The following ARHGAP12 variants were observed in gnomAD, a reference collection of about 807,000 sequenced individuals.
The protein encoded by ARHGAP12 is rho GTPase-activating protein 12.
Under a neutral mutation model 108.6 loss-of-function variants are expected in ARHGAP12, and 64 were observed. That is an observed-to-expected ratio of 0.59 (90% confidence interval 0.48 to 0.73). The LOEUF is 0.73. Ranked by LOEUF, ARHGAP12 falls within the 30% of genes least tolerant of loss-of-function variation. The probability of loss-of-function intolerance (pLI) is 0.00; values close to 1 mark genes in which losing one functional copy is unlikely to be tolerated. For missense variants in ARHGAP12, 940 were observed against 1,005.9 expected, an observed-to-expected ratio of 0.93 and a Z score of 0.89; for synonymous variants, 312 against 337.2, an observed-to-expected ratio of 0.93 and a Z score of 0.82.
At chr10:31,922,199 A>G (rs1592390582) in intron 1 of ARHGAP12, among the ~76,000 whole-genome samples, 3 of 42,588 alleles carry the variant, frequency 7.0e-5, no homozygotes, top group South Asian at 7.5e-4. Flanking sequence ...AAAAAAAAAA[A>G]AAAAAAAAAA....
At chr10:31,839,765 T>A in intron 7 of ARHGAP12, 54 bp from the exon 8 acceptor site, 1 of 1,426,034 alleles carries the variant, frequency 7.0e-7, no homozygotes, top group Non-Finnish European at 9.6e-7. Flanking sequence ...ATTATATTTC[T>A]GCCTCTACTC....
Position 31,909,057 on chromosome 10 carries a change from C to A in ARHGAP12, c.-71-131G>T, listed in dbSNP as rs992908530. Reference sequence around the variant, plus strand: ...ACTTCAAATCTCAAACCCCAAAAAGCAAACATGTGTCTACTATCATATGCA... The same window carrying A: ...ACTTCAAATCTCAAACCCCAAAAAGAAAACATGTGTCTACTATCATATGCA... On this transcript the variant is annotated intron_variant, in intron 2 of 19. Coordinates refer to ENST00000344936, the MANE Select transcript of ARHGAP12 (RefSeq NM_018287.7). 9.2e-5 allele frequency: 50 copies of A among 545,460 alleles called. No individual in the cohort carries two copies. The Middle Eastern group carries it at 1.4e-3, about 16-fold the overall frequency. 33.8% of individuals were successfully genotyped at this position (545,460 alleles called of 1,614,324 possible).
At chr10:31,918,196 A>C (rs1839640183) in intron 1 of ARHGAP12, among the ~76,000 whole-genome samples, 2 of 152,024 alleles carry the variant, frequency 1.3e-5, no homozygotes, top group South Asian at 4.1e-4. Flanking sequence ...GACTCACAAC[A>C]TTTTTGACTT....
chr10:31,908,565 ACT>A lies in ARHGAP12; in HGVS notation c.289_290del (p.Ser97PhefsTer15). 1 of 1,614,100 alleles carries A rather than the reference ACT, an allele frequency of 6.2e-7. No homozygotes were observed. The highest frequency in any genetic ancestry group is 8.5e-7 in the Non-Finnish European group (1 of 1,180,004). On this transcript the variant is annotated frameshift_variant, in exon 3 of 20. Coordinates refer to ENST00000344936, the MANE Select transcript of ARHGAP12 (RefSeq NM_018287.7). LOFTEE classifies it high-confidence loss of function. ...TTTCTGTTGATCTCTGAAGATGCAA[ACT>A]CTGCATTATTTTCGTGGAGTTATTT... is the stretch of plus-strand genomic sequence containing the variant. Reference protein sequence around the residue: ...LPNNSTKIMQSLHLQRSTENV... With the variant: ...LPNNSTKIMQXLHLQRSTENV...
At chr10:31,896,026 G>A (rs1838673636) in intron 3 of ARHGAP12, among the ~76,000 whole-genome samples, 2 of 152,118 alleles carry the variant, frequency 1.3e-5, no homozygotes, top group South Asian at 2.1e-4. Context: ...ACTCACAGGT[G>A]GGAAATGAAC....
At chr10:31,827,443 C>G (rs1325467077) in intron 10 of ARHGAP12, among the ~76,000 whole-genome samples, 1 of 152,158 alleles carries the variant, frequency 6.6e-6, no homozygotes, top group African/African-American at 2.4e-5. Context: ...TCAAATCTGT[C>G]TACTGCAGGG....
chr10:31,849,768 CTG>C (rs1343737940), intron 6 of ARHGAP12, among the ~76,000 whole-genome samples: 1 of 152,202 alleles, frequency 6.6e-6, no homozygotes, highest in African/African-American at 2.4e-5. Flanking sequence ...TATCACAAAA[CTG>C]AGGATTCAAC....
intron 1 of ARHGAP12, among the ~76,000 whole-genome samples, 196 bp from the exon 2 acceptor site, chr10:31,910,759 T>C (rs1839309681): frequency 6.6e-6 from 1 of 152,246 alleles, no homozygotes; most frequent in South Asian, 2.1e-4. Flanking sequence ...CCACTGAGGC[T>C]GGCTTTACCA....
chr10:31,830,523 T>C lies in ARHGAP12; in HGVS notation c.1448+1216A>G, dbSNP rs116245337. Among the ~76,000 whole-genome samples, 503 of 152,132 alleles carry C rather than the reference T, an allele frequency of 3.3e-3. 5 individuals are homozygous for C. Among genetic ancestry groups the C allele is most frequent in the African/African-American group, 0.011 (463 of 41,520 alleles). ...AACTGAATTCTACCAAAGAACAGTT[T>C]AAGGGATACATAATTGTAGTATTTA... On this transcript the variant is annotated intron_variant, in intron 10 of 19. Transcript: ENST00000344936.
intron 3 of ARHGAP12, among the ~76,000 whole-genome samples, chr10:31,865,606 C>T (rs1837292313): frequency 1.3e-5 from 2 of 151,870 alleles, no homozygotes; most frequent in Non-Finnish European, 1.5e-5. Context: ...CCAGGCGCGG[C>T]GACTCACGCC....
chr10:31,871,707 C>T (rs542865265), intron 3 of ARHGAP12, among the ~76,000 whole-genome samples: 5 of 152,156 alleles, frequency 3.3e-5, no homozygotes, highest in African/African-American at 4.8e-5. Flanking sequence ...TTGCAGCAAT[C>T]GTGCCATGCT....
rs556207908 is a variant in ARHGAP12 at position 31,805,830 on chromosome 10, A to G, written c.*1828T>C. 1.4e-4 allele frequency: 22 copies of G among 152,298 alleles called. No individual in the cohort carries two copies. The highest frequency in any genetic ancestry group is 5.1e-4 in the African/African-American group (21 of 41,572). The allele number at this position is 152,298 out of a possible 1,614,324, so 9.4% of individuals were successfully genotyped here. A position where few individuals can be genotyped will look rare whatever the true frequency, so the allele number is the denominator to read the frequency against. On this transcript the variant is annotated 3_prime_UTR_variant, in exon 20 of 20. Coordinates refer to ENST00000344936, the MANE Select transcript of ARHGAP12 (RefSeq NM_018287.7). ...AGCAAGATCTAAAGCATATTGTATT[A>G]TTAAGGACATCTTTAGGCAAATATA...
Position 31,908,265 on chromosome 10 carries a change from T to A in ARHGAP12, c.591A>T (p.Gln197His). The change falls in exon 3 of 20, where the codon CAA becomes CAT. Residue 197 changes from glutamine (Q) to histidine (H), a missense_variant. Physicochemically the swap from Gln to His is conservative, Grantham distance 24 (BLOSUM62 0). Transcript: ENST00000344936. ...DVEKTSFSQEQSCDSAGEGSE... is the reference protein window; with the variant it reads ...DVEKTSFSQEHSCDSAGEGSE... ...AGCCTTCTCCTGCGGAATCACAAGA[T>A]TGTTCCTGGGAGAAGCTAGTTTTCT... 6.2e-7 allele frequency: 1 copy of A among 1,614,084 alleles called. No homozygotes were observed. The highest frequency in any genetic ancestry group is 8.5e-7 in the Non-Finnish European group (1 of 1,180,026).
At chr10:31,813,473 T>C (rs1026339708) in intron 14 of ARHGAP12, among the ~76,000 whole-genome samples, 4 of 152,102 alleles carry the variant, frequency 2.6e-5, no homozygotes, top group African/African-American at 9.7e-5. Flanking sequence ...TTGGGGGAAG[T>C]TGAGAGCATG....
chr10:31,906,859 G>A (rs997432342), intron 3 of ARHGAP12, among the ~76,000 whole-genome samples: 4 of 152,074 alleles, frequency 2.6e-5, no homozygotes, highest in Admixed American at 2.0e-4. Flanking sequence ...TCTTTCCTAA[G>A]GCCCATTAGT....
chr10:31,912,307 T>C lies in ARHGAP12; in HGVS notation c.-110-1744A>G, dbSNP rs537414530. ...AAAGGTTACAGCAGCTCAGACATAC[T>C]ATAGTTAGTTAGACATTTATCCCTA... is the stretch of plus-strand genomic sequence containing the variant. On this transcript the variant is annotated intron_variant, in intron 1 of 19. Coordinates refer to ENST00000344936, the MANE Select transcript of ARHGAP12 (RefSeq NM_018287.7). Among the ~76,000 whole-genome samples, 3 of 152,296 alleles carry C rather than the reference T, an allele frequency of 2.0e-5. No individual in the cohort carries two copies. In the East Asian group the frequency reaches 5.8e-4, roughly 29 times the overall value.
intron 4 of ARHGAP12, among the ~76,000 whole-genome samples, chr10:31,856,545 C>A (rs867163284): frequency 2.2e-4 from 33 of 152,214 alleles, no homozygotes; most frequent in African/African-American, 7.2e-4. Flanking sequence ...ACTTTCTAGC[C>A]ACAAGAGTCT....
intron 2 of ARHGAP12, 70 bp from the exon 3 acceptor site, chr10:31,908,996 CA>C: frequency 2.4e-6 from 2 of 823,096 alleles, no homozygotes; most frequent in South Asian, 3.6e-5. Flanking sequence ...TATTTACTCA[CA>C]AGCATCATAT....
chr10:31,812,262 G>C (rs961073632), intron 15 of ARHGAP12, among the ~76,000 whole-genome samples: 1 of 151,884 alleles, frequency 6.6e-6, no homozygotes, highest in African/African-American at 2.4e-5. Context: ...GAAATAACAG[G>C]CAAATAAATT....
Sources: gnomAD v4.1 joint callset for allele counts (sites outside exome capture counted in the v4.1 genomes callset) on GRCh38, gnomAD v4.1.1 for gene constraint, MANE v1.5 for transcripts, NCBI Gene and HGNC (gene_info 2026-07-23, HGNC 2026-07-21) for gene names.